EYS: variants seen among roughly 807,000 people sequenced by gnomAD.
EYS encodes EGF-like photoreceptor maintenance factor.
A neutral mutation model predicts 282.1 loss-of-function variants in EYS; 250 were observed. The observed-to-expected ratio is 0.89, with a 90% CI of 0.80 to 0.98. EYS has a LOEUF of 0.98. EYS is among the 50% of genes least tolerant of loss of function. The probability of loss-of-function intolerance (pLI) is 0.00; values close to 1 mark genes in which losing one functional copy is unlikely to be tolerated. For synonymous variants in EYS, 1,355 were observed against 1,282.9 expected (o/e 1.06, Z -1.20); for missense variants, 4,016 against 3,709.0 (o/e 1.08, Z -2.15).
intron 2 of EYS, among the ~76,000 whole-genome samples, chr6:65,547,352 A>C (rs1275562269): frequency 1.3e-5 from 2 of 151,842 alleles, no homozygotes; most frequent in African/African-American, 2.4e-5. Flanking sequence ...GAGGGTATTC[A>C]AGTGTTTGCT....
chr6:64,492,236 A>G (rs552488569), intron 26 of EYS, among the ~76,000 whole-genome samples: 2 of 151,290 alleles, frequency 1.3e-5, no homozygotes, highest in African/African-American at 4.8e-5. Context: ...CATAAATATA[A>G]TTAAATAGGA....
intron 22 of EYS, among the ~76,000 whole-genome samples, chr6:64,651,076 A>G (rs1008386387): frequency 5.3e-5 from 8 of 152,078 alleles, no homozygotes; most frequent in African/African-American, 1.9e-4. Context: ...GTGTAGACAG[A>G]TTCCCCAATA....
At chr6:63,967,314 A>T (rs1384828824) in intron 35 of EYS, among the ~76,000 whole-genome samples, 1 of 152,212 alleles carries the variant, frequency 6.6e-6, no homozygotes, top group African/African-American at 2.4e-5. Flanking sequence ...TTAATTTAAT[A>T]TGTTTGGACT....
intron 7 of EYS, 115 bp downstream of exon 7, chr6:65,402,363 T>A: frequency 2.8e-6 from 2 of 713,752 alleles, no homozygotes; most frequent in Non-Finnish European, 4.7e-6. Context: ...AAATAGAATA[T>A]TATATACCAT....
intron 1 of EYS, among the ~76,000 whole-genome samples, chr6:65,663,815 G>A (rs928200376): frequency 1.3e-5 from 2 of 151,318 alleles, no homozygotes; most frequent in African/African-American, 4.9e-5. Context: ...CTAGTAGCTG[G>A]GACTACGGGC....
intron 11 of EYS, 90 bp from the exon 12 acceptor site, chr6:65,296,209 C>T: frequency 8.9e-6 from 11 of 1,234,766 alleles, no homozygotes; most frequent in Non-Finnish European, 1.2e-5. Flanking sequence ...TTTAAAAACA[C>T]AGAAATAAAT....
chr6:65,359,716 G>T (rs1267972021), intron 8 of EYS, among the ~76,000 whole-genome samples: 1 of 151,786 alleles, frequency 6.6e-6, no homozygotes, highest in Non-Finnish European at 1.5e-5. Flanking sequence ...TATTAATAGT[G>T]GGAAAACCTC....
chr6:64,923,372 C>T (rs928167636), intron 15 of EYS, among the ~76,000 whole-genome samples: 2 of 152,184 alleles, frequency 1.3e-5, no homozygotes, highest in African/African-American at 2.4e-5. Flanking sequence ...TTACCTCCCC[C>T]TGGGTCCCTT....
chr6:64,130,669 C>T (rs548568730), intron 31 of EYS, among the ~76,000 whole-genome samples: 36 of 151,910 alleles, frequency 2.4e-4, no homozygotes, highest in African/African-American at 4.8e-4. Context: ...AGATGCCTTC[C>T]GAACAAAGAG....
intron 13 of EYS, among the ~76,000 whole-genome samples, chr6:65,011,376 G>A (rs1305563642): frequency 6.6e-6 from 1 of 152,158 alleles, no homozygotes; most frequent in Non-Finnish European, 1.5e-5. Context: ...TCCTTGTTAA[G>A]TTTGTCTCTT....
intron 31 of EYS, among the ~76,000 whole-genome samples, chr6:64,097,715 C>T (rs959392510): frequency 1.4e-4 from 22 of 152,260 alleles, no homozygotes; most frequent in Admixed American, 3.9e-4. Context: ...TGAGGTGATA[C>T]CTTGCCCTGC....
At chr6:65,213,438 T>C (rs1483526911) in intron 12 of EYS, among the ~76,000 whole-genome samples, 4 of 152,204 alleles carry the variant, frequency 2.6e-5, no homozygotes. Flanking sequence ...AAATGGAATG[T>C]TTGTGGAAAC....
At chr6:65,532,174 C>T (rs185147116) in intron 2 of EYS, among the ~76,000 whole-genome samples, 165 of 152,032 alleles carry the variant, frequency 1.1e-3, no homozygotes, top group African/African-American at 3.9e-3. Context: ...CAACTACCTG[C>T]TAAATTATAT....
chr6:64,267,029 C>T (rs960547291), intron 30 of EYS, among the ~76,000 whole-genome samples: 1 of 152,072 alleles, frequency 6.6e-6, no homozygotes, highest in African/African-American at 2.4e-5. Context: ...TTTAAATATT[C>T]AACTTTCAAA....
chr6:65,228,296 G>A (rs1327271264), intron 12 of EYS, among the ~76,000 whole-genome samples: 3 of 151,996 alleles, frequency 2.0e-5, no homozygotes, highest in Non-Finnish European at 4.4e-5. Flanking sequence ...AATTGTCTAT[G>A]TGGAATATCC....
At chr6:63,936,245 G>C (rs945867129) in intron 35 of EYS, among the ~76,000 whole-genome samples, 7 of 152,178 alleles carry the variant, frequency 4.6e-5, no homozygotes, top group Non-Finnish European at 1.0e-4. Flanking sequence ...CCTGGATCCT[G>C]ATTGCTGGCG....
intron 32 of EYS, among the ~76,000 whole-genome samples, chr6:64,076,268 T>C (rs925665662): frequency 1.3e-5 from 2 of 151,962 alleles, no homozygotes; most frequent in African/African-American, 4.8e-5. Context: ...AATACCTACT[T>C]ATTTTTTATC....
intron 13 of EYS, among the ~76,000 whole-genome samples, chr6:65,015,261 C>T (rs1263309805): frequency 6.6e-6 from 1 of 152,190 alleles, no homozygotes; most frequent in African/African-American, 2.4e-5. Flanking sequence ...TAAGACATCA[C>T]TATTGTGAAA....
At chr6:64,691,535 A>G (rs1367994154) in intron 22 of EYS, among the ~76,000 whole-genome samples, 1 of 152,160 alleles carries the variant, frequency 6.6e-6, no homozygotes, top group Non-Finnish European at 1.5e-5. Flanking sequence ...AAGATACAGC[A>G]GTTACATGTG....
Sources: gnomAD v4.1 joint callset for allele counts (sites outside exome capture counted in the v4.1 genomes callset) on GRCh38, gnomAD v4.1.1 for gene constraint, MANE v1.5 for transcripts, NCBI Gene and HGNC (gene_info 2026-07-23, HGNC 2026-07-21) for gene names.